Variants in RAD51B observed in about 807,000 individuals in gnomAD.
RAD51B encodes DNA repair protein RAD51 homolog 2.
In RAD51B, 38 loss-of-function variants were observed where a neutral mutation model predicts 42.2. That is an observed-to-expected ratio of 0.90 (90% CI 0.70 to 1.18). RAD51B has a LOEUF of 1.18. RAD51B is among the 50% of genes most tolerant of loss of function. The probability of loss-of-function intolerance (pLI) is 0.00; values close to 1 mark genes in which losing one functional copy is unlikely to be tolerated. For missense variants in RAD51B, 373 were observed against 400.7 expected (o/e 0.93, Z 0.59); for synonymous variants, 154 against 145.2 (o/e 1.06, Z -0.43).
At chr14:68,479,303 G>C (rs1882972701), downstream of RAD51B, among the ~76,000 whole-genome samples, 1 of 152,144 alleles carries the variant, frequency 6.6e-6, no homozygotes, top group Non-Finnish European at 1.5e-5. Context: ...TGAGAAGTTG[G>C]AGGTAGGGTT....
At chr14:68,587,438 C>A (rs1890542320) in intron 10 of RAD51B, among the ~76,000 whole-genome samples, 1 of 152,134 alleles carries the variant, frequency 6.6e-6, no homozygotes, top group South Asian at 2.1e-4. Context: ...TGGAGCAGAA[C>A]CAGGAACCCA....
intron 7 of RAD51B, among the ~76,000 whole-genome samples, chr14:68,280,610 G>A (rs920702313): frequency 6.6e-6 from 1 of 152,324 alleles, no homozygotes; most frequent in South Asian, 2.1e-4. Context: ...TAGTGAACGT[G>A]AGTTTCCTCT....
intron 3 of RAD51B, among the ~76,000 whole-genome samples, chr14:67,830,464 C>T (rs907088392): frequency 4.0e-5 from 6 of 151,026 alleles, no homozygotes; most frequent in African/African-American, 1.2e-4. Context: ...TGCAGTGGTG[C>T]GATCTTGGCT....
rs1444644115 is a variant in RAD51B, at chr14:68,253,419, G to T, written c.757-38465G>T. ...TTTTCTGTTCTTCGCGTTTCTATTG[G>T]AATGTTAATGTGTGTTTTTGTATTG... On this transcript the variant is annotated intron_variant, in intron 7 of 10. Coordinates refer to ENST00000471583, the MANE Select transcript of RAD51B (RefSeq NM_133510.4). Among the ~76,000 whole-genome samples the T allele has an allele frequency of 2.6e-5, 4 of 152,100 alleles. No individual in the cohort carries two copies. In the East Asian group the frequency reaches 7.7e-4, roughly 29 times the overall value.
At chr14:68,093,280 A>T (rs2077134900) in intron 7 of RAD51B, among the ~76,000 whole-genome samples, 1 of 152,204 alleles carries the variant, frequency 6.6e-6, no homozygotes, top group South Asian at 2.1e-4. Context: ...GAATGGTACC[A>T]GTTCCTCCTT....
chr14:68,668,785 A>G (rs1893088322), intron 11 of RAD51B, among the ~76,000 whole-genome samples: 1 of 152,230 alleles, frequency 6.6e-6, no homozygotes, highest in African/African-American at 2.4e-5. Context: ...AAATGACCTC[A>G]GACACCTGCT....
chr14:67,905,228 G>T (rs968482916), intron 7 of RAD51B, among the ~76,000 whole-genome samples: 2 of 152,036 alleles, frequency 1.3e-5, no homozygotes, highest in Non-Finnish European at 2.9e-5. Context: ...TCAGATGGTT[G>T]TAGGTATGTG....
intron 8 of RAD51B, among the ~76,000 whole-genome samples, chr14:68,353,228 C>G (rs1041179469): frequency 1.3e-5 from 2 of 152,148 alleles, no homozygotes; most frequent in African/African-American, 4.8e-5. Flanking sequence ...AATAGTACCA[C>G]CTTTAAAAAG....
At position 68,015,647 on chromosome 14, in the gene RAD51B, C is replaced by T. The variant is rs561405568; in HGVS notation, c.756+128443C>T. On this transcript the variant is annotated intron_variant, in intron 7 of 10. Transcript: ENST00000471583. ...AACAGCATGGGAAAAAACCTGTCCC[C>T]GTGATTCAATTACCTCCCACTGGGT... Among the ~76,000 whole-genome samples the T allele has an allele frequency of 2.8e-4, 43 of 152,246 alleles. No individual in the cohort carries two copies. The South Asian group carries it at 6.6e-3, about 23-fold the overall frequency.
At chr14:68,157,708 C>G (rs1196406080) in intron 7 of RAD51B, among the ~76,000 whole-genome samples, 1 of 152,232 alleles carries the variant, frequency 6.6e-6, no homozygotes, top group South Asian at 2.1e-4. Context: ...TGAATAAAAA[C>G]AATAATAATG....
intron 7 of RAD51B, among the ~76,000 whole-genome samples, chr14:67,999,923 C>T (rs981617037): frequency 1.3e-5 from 2 of 151,930 alleles, no homozygotes; most frequent in African/African-American, 4.8e-5. Flanking sequence ...AGGTGTAAAA[C>T]GTGGGGAAGG....
intron 7 of RAD51B, among the ~76,000 whole-genome samples, chr14:67,935,450 C>T (rs1365885076): frequency 1.3e-5 from 2 of 152,128 alleles, no homozygotes; most frequent in South Asian, 2.1e-4. Flanking sequence ...CTGCAGCTTT[C>T]ACCTCCTGGG....
At chr14:67,977,081 C>T (rs2075010222) in intron 7 of RAD51B, among the ~76,000 whole-genome samples, 1 of 152,164 alleles carries the variant, frequency 6.6e-6, no homozygotes, top group Admixed American at 6.5e-5. Flanking sequence ...AGTTTTTAAT[C>T]TTTGAATTCT....
intron 10 of RAD51B, among the ~76,000 whole-genome samples, chr14:68,526,074 A>G (rs909857090): frequency 2.0e-5 from 3 of 152,182 alleles, no homozygotes; most frequent in African/African-American, 4.8e-5. Flanking sequence ...CAGTTTTCTT[A>G]TCTGTAAAAT....
chr14:68,597,191 G>A (rs11623593), downstream of RAD51B, among the ~76,000 whole-genome samples: 57,776 of 151,984 alleles, frequency 0.38, 11,254 homozygotes, highest in South Asian at 0.58. Context: ...AATGGGGCCC[G>A]TGCTCTCCTA....
intron 7 of RAD51B, among the ~76,000 whole-genome samples, chr14:68,049,522 C>T (rs2076359274): frequency 6.6e-6 from 1 of 152,122 alleles, no homozygotes. Flanking sequence ...ATCCAAGGGC[C>T]CCAGCTCCTC....
At chr14:67,885,739 A>C in intron 5 of RAD51B, 130 bp from the exon 6 acceptor site, 2 of 1,192,712 alleles carry the variant, frequency 1.7e-6, no homozygotes, top group Admixed American at 2.9e-5. Context: ...CTGTATATTA[A>C]GCCATTTTGC....
intron 10 of RAD51B, among the ~76,000 whole-genome samples, chr14:68,624,328 C>T (rs375895005): frequency 6.6e-6 from 1 of 152,172 alleles, no homozygotes; most frequent in Non-Finnish European, 1.5e-5. Context: ...AAATACGTCC[C>T]CAGCATGATA....
Position 68,159,152 on chromosome 14 carries a change from TA to T in RAD51B, c.757-132730del, listed in dbSNP as rs1032469765. The stretch of plus-strand genomic sequence containing the variant: ...GGGGAAATTGATGGGGGTGTAGATG[TA>T]ATAACATCAGCCATGAGTTGACAAT... On this transcript the variant is annotated intron_variant, in intron 7 of 10. Transcript: ENST00000471583. Among the ~76,000 whole-genome samples, 31 of 151,894 alleles carry T rather than the reference TA, an allele frequency of 2.0e-4. 1 individual carries two copies. Among genetic ancestry groups the T allele is most frequent in the Admixed American group, 1.8e-3 (27 of 15,282 alleles).
Sources: gnomAD v4.1 joint callset for allele counts (sites outside exome capture counted in the v4.1 genomes callset) on GRCh38, gnomAD v4.1.1 for gene constraint, MANE v1.5 for transcripts, NCBI Gene and HGNC (gene_info 2026-07-23, HGNC 2026-07-21) for gene names.